PELI2: variants seen among roughly 807,000 people sequenced by gnomAD.
PELI2 encodes the protein E3 ubiquitin-protein ligase pellino homolog 2.
A neutral mutation model predicts 42.3 loss-of-function variants in PELI2; 23 were observed. That is an observed-to-expected ratio of 0.54 (90% CI 0.39 to 0.77). The LOEUF (loss-of-function observed/expected upper bound fraction) is 0.77. PELI2 is among the 30% of genes least tolerant of loss of function. The pLI is 0.00. For missense variants in PELI2, 463 were observed against 553.2 expected, an observed-to-expected ratio of 0.84 and a Z score of 1.64; for synonymous variants, 245 against 212.2, an observed-to-expected ratio of 1.15 and a Z score of -1.34.
At chr14:56,121,604 G>T (rs116528665) in intron 1 of PELI2, among the ~76,000 whole-genome samples, 297 of 152,300 alleles carry the variant, frequency 2.0e-3, no homozygotes, top group African/African-American at 6.7e-3. Flanking sequence ...ACGTTTTAAG[G>T]TTAGGGAAGT....
chr14:56,274,554 G>T (rs532095124), intron 2 of PELI2, among the ~76,000 whole-genome samples: 12 of 152,156 alleles, frequency 7.9e-5, no homozygotes, highest in African/African-American at 2.9e-4. Context: ...GTGCCTTTAC[G>T]TGTGTATATG....
intron 1 of PELI2, chr14:56,119,791 C>T: frequency 1.0e-6 from 1 of 983,786 alleles, no homozygotes; most frequent in Non-Finnish European, 1.2e-6. Flanking sequence ...TTGGATGTGT[C>T]GCTCTGGGAA....
In PELI2 at chr14:56,279,722, G is replaced by A. The variant is rs1208837947; in HGVS notation, c.254G>A (p.Arg85Lys). 6.2e-7 allele frequency: 1 copy of A among 1,605,228 alleles called. No homozygotes were observed. Among genetic ancestry groups the A allele is most frequent in the Admixed American group, 1.7e-5 (1 of 59,918 alleles). The change falls in exon 3 of 6, where the codon AGG becomes AAG. Residue 85 changes from arginine to lysine, a missense_variant. This residue lies in a region of PELI2 where 343 missense variants were observed against 378.4 expected (regional missense o/e 0.91). Coordinates refer to ENST00000267460, the MANE Select transcript of PELI2 (RefSeq NM_021255.3). ...CACAGTATATCCTACACTTTGTCAAGGAATCAGACTGTGGTGGTGGAGTAC... is the reference window on the plus strand; with the variant it reads ...CACAGTATATCCTACACTTTGTCAAAGAATCAGACTGTGGTGGTGGAGTAC... ...GQHSISYTLS[R>K]NQTVVVEYTH...
At chr14:56,133,472 G>C (rs1317413301) in intron 1 of PELI2, among the ~76,000 whole-genome samples, 1 of 152,144 alleles carries the variant, frequency 6.6e-6, no homozygotes, top group East Asian at 1.9e-4. Flanking sequence ...TATGCACAGG[G>C]CATGGCTTCT....
intron 1 of PELI2, among the ~76,000 whole-genome samples, chr14:56,161,503 G>A (rs1241139580): frequency 6.6e-6 from 1 of 152,098 alleles, no homozygotes; most frequent in African/African-American, 2.4e-5. Context: ...TCGATCTCTT[G>A]ACCTCGCGAT....
chr14:56,275,693 G>A (rs935816564), intron 2 of PELI2, among the ~76,000 whole-genome samples: 3 of 152,156 alleles, frequency 2.0e-5, no homozygotes, highest in Non-Finnish European at 4.4e-5. Context: ...ATGAAACTTC[G>A]CTTGCTCGTC....
intron 2 of PELI2, among the ~76,000 whole-genome samples, chr14:56,230,395 A>G (rs1038510983): frequency 1.9e-4 from 29 of 152,352 alleles, no homozygotes; most frequent in African/African-American, 5.8e-4. Flanking sequence ...GACTAACAGC[A>G]GATCTCTCGG....
intron 5 of PELI2, 98 bp from the exon 6 acceptor site, chr14:56,296,502 A>G: frequency 6.3e-6 from 5 of 797,948 alleles, no homozygotes; most frequent in Non-Finnish European, 1.0e-5. Context: ...TCCCTGTGTT[A>G]TCTTCAAATA....
chr14:56,198,005 CACACACA>C (rs1566632257), intron 2 of PELI2, among the ~76,000 whole-genome samples: 47 of 134,218 alleles, frequency 3.5e-4, no homozygotes, highest in East Asian at 2.0e-3. Context: ...CACACACACA[CACACACA>C]CCCACCTCTT....
chr14:56,190,841 T>C (rs1188578215), intron 2 of PELI2, among the ~76,000 whole-genome samples: 1 of 152,210 alleles, frequency 6.6e-6, no homozygotes, highest in Non-Finnish European at 1.5e-5. Flanking sequence ...AGTCAAAAAA[T>C]ATGGAAGTCA....
intron 2 of PELI2, among the ~76,000 whole-genome samples, chr14:56,279,353 A>G (rs1419250903): frequency 6.6e-6 from 1 of 152,190 alleles, no homozygotes; most frequent in African/African-American, 2.4e-5. Flanking sequence ...TAAAAATTCT[A>G]TTTCTGAGTT....
chr14:56,262,479 A>G (rs1888745326), intron 2 of PELI2, among the ~76,000 whole-genome samples: 1 of 152,108 alleles, frequency 6.6e-6, no homozygotes, highest in Admixed American at 6.6e-5. Flanking sequence ...TTTCCTTGAG[A>G]TGTTTCTCAC....
intron 1 of PELI2, among the ~76,000 whole-genome samples, chr14:56,136,356 G>T (rs1423324897): frequency 2.6e-5 from 4 of 152,168 alleles, no homozygotes; most frequent in Admixed American, 6.5e-5. Context: ...TGCATCTGCG[G>T]TGCTTATAAT....
intron 2 of PELI2, among the ~76,000 whole-genome samples, chr14:56,260,863 T>C (rs980740349): frequency 6.6e-6 from 1 of 152,184 alleles, no homozygotes; most frequent in African/African-American, 2.4e-5. Flanking sequence ...CACATCTATG[T>C]TCAGCTTAGA....
intron 2 of PELI2, 79 bp from the exon 3 acceptor site, chr14:56,279,597 G>C (rs1485994819): frequency 1.0e-5 from 8 of 765,262 alleles, no homozygotes; most frequent in Non-Finnish European, 6.6e-6. Context: ...CCAGTAGAGT[G>C]GTGGCTCATA....
intron 1 of PELI2, chr14:56,119,951 G>C: frequency 6.6e-6 from 3 of 453,152 alleles, no homozygotes; most frequent in Non-Finnish European, 8.7e-6. Context: ...GTGCCTTGAA[G>C]TAAGTGCTGA....
intron 2 of PELI2, among the ~76,000 whole-genome samples, chr14:56,214,304 T>A (rs1347363370): frequency 6.6e-6 from 1 of 152,168 alleles, no homozygotes; most frequent in Non-Finnish European, 1.5e-5. Context: ...CTGGAAGCTA[T>A]GCAGTGGCCT....
chr14:56,220,074 A>G (rs1030369802), intron 2 of PELI2, among the ~76,000 whole-genome samples: 2 of 152,208 alleles, frequency 1.3e-5, no homozygotes, highest in Non-Finnish European at 2.9e-5. Flanking sequence ...TGTCTTATCT[A>G]CAGGCTGCAG....
chr14:56,258,527 A>G (rs1365715257), intron 2 of PELI2, among the ~76,000 whole-genome samples: 3 of 152,136 alleles, frequency 2.0e-5, no homozygotes, highest in Non-Finnish European at 4.4e-5. Context: ...ACAATGTCAG[A>G]AAAAAGGTTC....
Sources: gnomAD v4.1 joint callset for allele counts (sites outside exome capture counted in the v4.1 genomes callset) on GRCh38, gnomAD v4.1.1 for gene constraint, gnomAD v4.1.1 regional missense constraint, MANE v1.5 for transcripts, NCBI Gene and HGNC (gene_info 2026-07-23, HGNC 2026-07-21) for gene names.